Variants in GLRA2 observed in about 807,000 individuals in gnomAD.
The protein encoded by GLRA2 is glycine receptor alpha 2.
GLRA2 carries 11 observed loss-of-function variants against 31.6 expected under a neutral mutation model. The ratio of observed to expected loss-of-function variants is 0.35; its 90% CI spans 0.22 to 0.58. The LOEUF is 0.58. Ranked by LOEUF, GLRA2 falls within the 20% of genes least tolerant of loss-of-function variation. GLRA2 has a pLI of 0.84. For missense variants in GLRA2, 212 were observed against 351.8 expected (o/e 0.60, Z 3.18); for synonymous variants, 132 against 134.0 (o/e 0.99, Z 0.10).
At chrX:14,627,581 T>C (rs926765341) in intron 7 of GLRA2, among the ~76,000 whole-genome samples, 3 of 111,601 alleles carry the variant, frequency 2.7e-5, no homozygotes, top group African/African-American at 9.7e-5. Context: ...CATATTTAAG[T>C]TCACAATTTT....
chrX:14,580,298 T>A (rs773476911), intron 3 of GLRA2, among the ~76,000 whole-genome samples: 7 of 112,720 alleles, frequency 6.2e-5, no homozygotes, highest in Non-Finnish European at 1.3e-4. Flanking sequence ...TGGTCACACG[T>A]AGCAATAGTG....
chrX:14,500,064 A>G, the GLRA2 span, among the ~76,000 whole-genome samples: 39 of 111,470 alleles, frequency 3.5e-4, no homozygotes, highest in African/African-American at 1.2e-3. Context: ...ATGTAATCCC[A>G]TTTGTCTATT....
At chrX:14,662,114 T>G (rs2090997023) in intron 7 of GLRA2, among the ~76,000 whole-genome samples, 1 of 110,187 alleles carries the variant, frequency 9.1e-6, no homozygotes, top group African/African-American at 3.3e-5. Flanking sequence ...AACTGATGTA[T>G]CAGGACACCG....
chrX:14,650,659 TAGAC>T (rs372090068), intron 7 of GLRA2, among the ~76,000 whole-genome samples: 47 of 111,488 alleles, frequency 4.2e-4, no homozygotes, highest in African/African-American at 7.5e-4. Context: ...TTAATTATAA[TAGAC>T]AGTCTATTCC....
chrX:14,546,938 AC>A (rs1178961211), intron 2 of GLRA2, among the ~76,000 whole-genome samples: 1 of 111,794 alleles, frequency 8.9e-6, no homozygotes, highest in Non-Finnish European at 1.9e-5. Flanking sequence ...ATAAGCAGGT[AC>A]CCTCTCAGTG....
At chrX:14,619,362 AG>A (rs2090490115) in intron 7 of GLRA2, among the ~76,000 whole-genome samples, 1 of 111,130 alleles carries the variant, frequency 9.0e-6, no homozygotes, top group Admixed American at 9.6e-5. Flanking sequence ...TCAGAGCAAA[AG>A]CCAGTGTCCT....
chrX:14,594,371 G>T (rs1445104807), intron 4 of GLRA2, among the ~76,000 whole-genome samples: 3 of 110,876 alleles, frequency 2.7e-5, no homozygotes, highest in Non-Finnish European at 5.7e-5. Flanking sequence ...AATACTAGAC[G>T]CATAGTAACA....
intron 7 of GLRA2, among the ~76,000 whole-genome samples, chrX:14,685,933 T>G (rs1200497601): frequency 6.2e-5 from 7 of 112,235 alleles, no homozygotes. Context: ...CTTTCCTGCT[T>G]TCTCTTGTGG....
intron 8 of GLRA2, among the ~76,000 whole-genome samples, chrX:14,713,745 A>G (rs1018713644): frequency 5.4e-5 from 6 of 111,340 alleles, no homozygotes; most frequent in Non-Finnish European, 7.5e-5. Flanking sequence ...AGCCCTTTAC[A>G]GAAAATGTTT....
intron 1 of GLRA2, among the ~76,000 whole-genome samples, chrX:14,531,394 T>A (rs1218878792): frequency 9.0e-6 from 1 of 111,507 alleles, no homozygotes; most frequent in African/African-American, 3.2e-5. Context: ...CACTATGTAT[T>A]GTGAAATAAT....
At chrX:14,538,415 A>G (rs780532616) in intron 2 of GLRA2, among the ~76,000 whole-genome samples, 10 of 111,919 alleles carry the variant, frequency 8.9e-5, no homozygotes, top group Non-Finnish European at 1.9e-4. Flanking sequence ...CTTACTGTGT[A>G]TTGTGAAAAC....
chrX:14,465,432 A>G, the GLRA2 span, among the ~76,000 whole-genome samples: 3 of 112,157 alleles, frequency 2.7e-5, no homozygotes, highest in Non-Finnish European at 3.8e-5. Flanking sequence ...CCCAATTTGG[A>G]TGCCCTTTAT....
At chrX:14,605,863 G>A (rs912540456) in intron 5 of GLRA2, among the ~76,000 whole-genome samples, 2 of 111,445 alleles carry the variant, frequency 1.8e-5, no homozygotes, top group Non-Finnish European at 3.8e-5. Flanking sequence ...AAGCTCACCA[G>A]ACAAGAACGT....
At chrX:14,558,435 A>G (rs2147037799) in intron 2 of GLRA2, among the ~76,000 whole-genome samples, 1 of 112,020 alleles carries the variant, frequency 8.9e-6, no homozygotes, top group Non-Finnish European at 1.9e-5. Flanking sequence ...GATAAAACAG[A>G]CTAGTAGCCA....
upstream of GLRA2, among the ~76,000 whole-genome samples, chrX:14,526,158 G>T (rs2089186589): frequency 8.9e-6 from 1 of 112,321 alleles, no homozygotes; most frequent in Non-Finnish European, 1.9e-5. Flanking sequence ...ACCAGACAAA[G>T]ATGGGGGACA....
intron 7 of GLRA2, among the ~76,000 whole-genome samples, chrX:14,683,242 T>G (rs778083485): frequency 8.9e-6 from 1 of 111,978 alleles, no homozygotes; most frequent in Admixed American, 9.4e-5. Context: ...TGATGGCCAT[T>G]CTAACTGGTG....
At chrX:14,593,876 C>T (rs1354084657) in intron 4 of GLRA2, among the ~76,000 whole-genome samples, 1 of 113,108 alleles carries the variant, frequency 8.8e-6, no homozygotes, top group Non-Finnish European at 1.9e-5. Context: ...CTTGAGTTTC[C>T]TCTTTTTGGG....
chrX:14,571,266 A>C (rs777998797), intron 2 of GLRA2, among the ~76,000 whole-genome samples: 7 of 112,133 alleles, frequency 6.2e-5, no homozygotes, highest in Non-Finnish European at 1.1e-4. Flanking sequence ...TACAGAGCAC[A>C]TTCATTCACT....
chrX:14,608,478 C>A (rs1325227594), intron 6 of GLRA2, among the ~76,000 whole-genome samples: 1 of 111,271 alleles, frequency 9.0e-6, no homozygotes, highest in Non-Finnish European at 1.9e-5. Flanking sequence ...TCTTTAAATA[C>A]TTTGTAGTTT....
Sources: gnomAD v4.1 joint callset for allele counts (sites outside exome capture counted in the v4.1 genomes callset) on GRCh38, gnomAD v4.1.1 for gene constraint, MANE v1.5 for transcripts, NCBI Gene and HGNC (gene_info 2026-07-23, HGNC 2026-07-21) for gene names.